Variants in ANK2 observed in about 807,000 individuals in gnomAD.
ANK2 encodes the protein ankyrin-2.
In ANK2, 83 loss-of-function variants were observed where a neutral mutation model predicts 360.5. The observed-to-expected ratio is 0.23, with a 90% CI of 0.19 to 0.28. The LOEUF (loss-of-function observed/expected upper bound fraction) is 0.28, where lower values mean the gene tolerates loss of function less well. ANK2 is among the 10% of genes least tolerant of loss of function. The probability of loss-of-function intolerance (pLI) is 1.00; values close to 1 mark genes in which losing one functional copy is unlikely to be tolerated. For missense variants in ANK2, 4,201 were observed against 4,795.7 expected, an observed-to-expected ratio of 0.88 and a Z score of 3.66; for synonymous variants, 1,740 against 1,759.5, an observed-to-expected ratio of 0.99 and a Z score of 0.28.
intron 2 of ANK2, among the ~76,000 whole-genome samples, chr4:113,017,163 C>G (rs149669776): frequency 0.016 from 2,504 of 152,190 alleles, 34 homozygotes; most frequent in Middle Eastern, 0.031. Flanking sequence ...GCTGTATTTT[C>G]TCTGTAAGGG....
At chr4:113,308,213 A>G (rs1397321861) in intron 23 of ANK2, among the ~76,000 whole-genome samples, 1 of 152,218 alleles carries the variant, frequency 6.6e-6, no homozygotes, top group Non-Finnish European at 1.5e-5. Context: ...TCTGAATATT[A>G]TTTTAAATCA....
chr4:112,819,905 C>T (rs1313192857), intron 1 of ANK2, among the ~76,000 whole-genome samples: 3 of 152,172 alleles, frequency 2.0e-5, no homozygotes, highest in South Asian at 2.1e-4. Context: ...TCTGGCCCTC[C>T]GTCTCTGCCT....
intron 2 of ANK2, among the ~76,000 whole-genome samples, chr4:113,039,121 T>C (rs2062285160): frequency 6.6e-6 from 1 of 152,096 alleles, no homozygotes; most frequent in Non-Finnish European, 1.5e-5. Context: ...ACACTTTCTG[T>C]TGATTTTTTC....
upstream of ANK2, among the ~76,000 whole-genome samples, chr4:113,045,273 A>C (rs2063994498): frequency 6.6e-6 from 1 of 152,198 alleles, no homozygotes; most frequent in African/African-American, 2.4e-5. Context: ...TGCTTAACAA[A>C]ACACCAATAA....
intron 1 of ANK2, among the ~76,000 whole-genome samples, chr4:113,088,399 A>C (rs1279908169): frequency 1.3e-5 from 2 of 152,216 alleles, no homozygotes; most frequent in Non-Finnish European, 2.9e-5. Context: ...CTATGCAAAC[A>C]AAACATGAGC....
At chr4:113,088,058 G>A (rs536867922) in intron 1 of ANK2, among the ~76,000 whole-genome samples, 18 of 152,182 alleles carry the variant, frequency 1.2e-4, no homozygotes, top group Admixed American at 1.1e-3. Flanking sequence ...TTCTAGAAAA[G>A]CCTGGTTTTT....
chr4:112,958,412 C>T (rs955891103), intron 2 of ANK2, among the ~76,000 whole-genome samples: 43 of 152,316 alleles, frequency 2.8e-4, no homozygotes, highest in African/African-American at 1.0e-3. Context: ...GCCAACACAG[C>T]GAAACCCCAT....
intron 32 of ANK2, among the ~76,000 whole-genome samples, chr4:113,340,880 AAC>A (rs1038049435): frequency 6.6e-5 from 10 of 152,006 alleles, no homozygotes; most frequent in African/African-American, 1.9e-4. Flanking sequence ...AAACAAAAAA[AAC>A]AAACCCTTTG....
intron 9 of ANK2, among the ~76,000 whole-genome samples, chr4:113,248,826 C>G (rs1211357565): frequency 6.6e-6 from 1 of 152,140 alleles, no homozygotes; most frequent in Non-Finnish European, 1.5e-5. Context: ...CACCTCTGTC[C>G]TTGGGACAAT....
At chr4:113,200,667 T>C (rs2098816436) in intron 4 of ANK2, among the ~76,000 whole-genome samples, 1 of 152,346 alleles carries the variant, frequency 6.6e-6, no homozygotes, top group African/African-American at 2.4e-5. Flanking sequence ...TTCATTCTCT[T>C]TTATAGCTGC....
intron 2 of ANK2, among the ~76,000 whole-genome samples, chr4:112,955,205 TTTTATC>T (rs201921823): frequency 0.012 from 1,767 of 152,012 alleles, 29 homozygotes; most frequent in African/African-American, 0.039. Context: ...TCTACATACT[TTTTATC>T]TTTTTTAATT....
chr4:113,046,391 T>A (rs1368461925), upstream of ANK2, among the ~76,000 whole-genome samples: 1 of 152,108 alleles, frequency 6.6e-6, no homozygotes, highest in Non-Finnish European at 1.5e-5. Context: ...GCTTGAATAT[T>A]TGTGTCCTCC....
intron 2 of ANK2, among the ~76,000 whole-genome samples, chr4:112,998,224 A>G (rs2049339804): frequency 6.6e-6 from 1 of 151,946 alleles, no homozygotes; most frequent in Non-Finnish European, 1.5e-5. Flanking sequence ...GCCAAGGGCA[A>G]ATGGACTCTT....
chr4:113,371,839 T>A (rs1018121515), intron 43 of ANK2, among the ~76,000 whole-genome samples: 1 of 152,210 alleles, frequency 6.6e-6, no homozygotes, highest in Non-Finnish European at 1.5e-5. Context: ...TTCTCTTTTT[T>A]AAAAACAAAA....
At chr4:113,132,060 A>G (rs968113079) in intron 1 of ANK2, among the ~76,000 whole-genome samples, 1 of 152,206 alleles carries the variant, frequency 6.6e-6, no homozygotes, top group Non-Finnish European at 1.5e-5. Context: ...ATTTTTTACC[A>G]TATAAAAGAA....
At chr4:113,058,433 T>C (rs1237383863) in intron 1 of ANK2, among the ~76,000 whole-genome samples, 1 of 152,160 alleles carries the variant, frequency 6.6e-6, no homozygotes, top group Non-Finnish European at 1.5e-5. Context: ...TATTTCTATG[T>C]GGCCAATTGA....
chr4:113,046,991 T>C (rs2064687772), upstream of ANK2, among the ~76,000 whole-genome samples: 1 of 152,212 alleles, frequency 6.6e-6, no homozygotes, highest in Non-Finnish European at 1.5e-5. Flanking sequence ...ACCAAACACA[T>C]TGATTGAAAA....
At chr4:112,749,662 A>G in the ANK2 span, among the ~76,000 whole-genome samples, 1 of 152,222 alleles carries the variant, frequency 6.6e-6, no homozygotes, top group Non-Finnish European at 1.5e-5. Context: ...GTGATAGATA[A>G]TAATGAAGCA....
intron 1 of ANK2, among the ~76,000 whole-genome samples, chr4:113,079,194 G>A (rs1355632992): frequency 6.6e-6 from 1 of 152,122 alleles, no homozygotes; most frequent in East Asian, 1.9e-4. Context: ...ATAGTTGACC[G>A]ACTCTTCTTG....
Sources: gnomAD v4.1 joint callset for allele counts (sites outside exome capture counted in the v4.1 genomes callset) on GRCh38, gnomAD v4.1.1 for gene constraint, MANE v1.5 for transcripts, NCBI Gene and HGNC (gene_info 2026-07-23, HGNC 2026-07-21) for gene names.